The following PVT1 variants were observed in gnomAD, a reference collection of about 807,000 sequenced individuals.
The protein encoded by PVT1 is Pvt1 oncogene.
chr8:128,061,107 G>T (rs183962781), intron 4 of PVT1, among the ~76,000 whole-genome samples: 1 of 152,060 alleles, frequency 6.6e-6, no homozygotes, highest in Non-Finnish European at 1.5e-5. Context: ...ACGGGGTTTC[G>T]CCATGTTGGC....
At chr8:127,890,607 AAGG>A (rs1223547392) in exon 3 of PVT1, 1 of 152,222 alleles carries the variant, frequency 6.6e-6, no homozygotes, top group African/African-American at 2.4e-5. Flanking sequence ...TTTTGGCCAG[AAGG>A]AGATTAAAAA....
At chr8:127,885,840 T>C (rs1586421752) in intron 2 of PVT1, among the ~76,000 whole-genome samples, 1 of 152,222 alleles carries the variant, frequency 6.6e-6, no homozygotes, top group African/African-American at 2.4e-5. Context: ...TTAATTACTG[T>C]ACTTCCTTCT....
Position 127,858,449 on chromosome 8 carries a change from A to AATAAATAG in PVT1, n.373-32139_373-32138insTAAATAGA, listed in dbSNP as rs1342313873. ...AAATAAATAAATAAATAAATAAATA[A>AATAAATAG]AAGATGGTCTTGAGGTTTCGGTTTG... is the stretch of plus-strand genomic sequence containing the variant. On this transcript the variant is annotated intron_variant and non_coding_transcript_variant, in intron 2 of 10. Coordinates refer to ENST00000651587, the Ensembl canonical transcript of PVT1. Among the ~76,000 whole-genome samples the AATAAATAG allele has an allele frequency of 3.8e-3, 572 of 151,792 alleles. 1 individual carries two copies. Among genetic ancestry groups the AATAAATAG allele is most frequent in the African/African-American group, 0.013 (554 of 41,452 alleles).
At chr8:128,065,418 G>C (rs1490500023) in intron 4 of PVT1, among the ~76,000 whole-genome samples, 4 of 152,106 alleles carry the variant, frequency 2.6e-5, no homozygotes, top group African/African-American at 9.7e-5. Flanking sequence ...ACTCCTGACT[G>C]CAAGTGATCC....
intron 3 of PVT1, among the ~76,000 whole-genome samples, chr8:127,952,022 G>A (rs1816511341): frequency 6.6e-6 from 1 of 151,988 alleles, no homozygotes; most frequent in African/African-American, 2.4e-5. Context: ...TACCACATTG[G>A]CCAGGCTGCT....
chr8:127,827,437 C>A (rs946498865), intron 2 of PVT1, among the ~76,000 whole-genome samples: 2 of 152,170 alleles, frequency 1.3e-5, no homozygotes, highest in Non-Finnish European at 2.9e-5. Context: ...CTGGTTCACC[C>A]CCTGGGGCTC....
chr8:127,826,990 T>C (rs1563615525), intron 2 of PVT1, among the ~76,000 whole-genome samples: 1 of 104,078 alleles, frequency 9.6e-6, no homozygotes, highest in Non-Finnish European at 1.8e-5. Flanking sequence ...TTCTTTCTTT[T>C]TCTCTTTTTT....
chr8:128,034,094 C>T lies in PVT1; in HGVS notation n.913-36066C>T, dbSNP rs144566504. Among the ~76,000 whole-genome samples the T allele has an allele frequency of 7.3e-3, 1,105 of 151,500 alleles. 11 individuals are homozygous for T. The highest frequency in any genetic ancestry group is 0.026 in the African/African-American group (1,069 of 41,210). On this transcript the variant is annotated intron_variant and non_coding_transcript_variant, in intron 4 of 10. Transcript: ENST00000651587. The stretch of plus-strand genomic sequence containing the variant: ...TTTTTTTTTGGCCCTGACCTTTGGC[C>T]TAATAAAAGCAAAGTGCAGAGCTTT...
intron 5 of PVT1, among the ~76,000 whole-genome samples, chr8:128,071,708 A>AAATAAATAAATAAAT (rs1813996330): frequency 6.6e-6 from 1 of 150,974 alleles, no homozygotes; most frequent in African/African-American, 2.4e-5. Flanking sequence ...ATAAATAAAT[A>AAATAAATAAATAAAT]AATAAATAAA....
chr8:127,891,951 C>A (rs926013142), intron 3 of PVT1, among the ~76,000 whole-genome samples: 5 of 152,208 alleles, frequency 3.3e-5, no homozygotes, highest in African/African-American at 1.2e-4. Context: ...CCTCTCAGGT[C>A]CAGGCCTGGT....
intron 2 of PVT1, among the ~76,000 whole-genome samples, chr8:127,841,250 T>C (rs530469840): frequency 6.6e-6 from 1 of 152,272 alleles, no homozygotes; most frequent in South Asian, 2.1e-4. Flanking sequence ...GGGAGGTAGG[T>C]ACTATTAGCC....
intron 2 of PVT1, among the ~76,000 whole-genome samples, chr8:127,848,789 T>C (rs1815067594): frequency 6.6e-6 from 1 of 152,188 alleles, no homozygotes; most frequent in Non-Finnish European, 1.5e-5. Flanking sequence ...AATAAAGGGC[T>C]GTGGGAACAG....
At chr8:128,092,836 C>G (rs1191749846) in intron 5 of PVT1, among the ~76,000 whole-genome samples, 2 of 152,070 alleles carry the variant, frequency 1.3e-5, no homozygotes, top group African/African-American at 2.4e-5. Flanking sequence ...ATTTTTGCAC[C>G]AACCTAAATA....
intron 5 of PVT1, among the ~76,000 whole-genome samples, chr8:128,073,122 C>T (rs547132784): frequency 1.3e-4 from 20 of 152,126 alleles, no homozygotes; most frequent in Non-Finnish European, 2.5e-4. Flanking sequence ...CGTGAACCAC[C>T]GCACCCGGCC....
At chr8:127,864,053 C>A (rs933196914) in intron 2 of PVT1, among the ~76,000 whole-genome samples, 4 of 152,228 alleles carry the variant, frequency 2.6e-5, no homozygotes, top group Admixed American at 1.3e-4. Context: ...GCATGGCTTT[C>A]CTGGGCCTGC....
At chr8:127,827,459 G>A (rs1004797417) in intron 2 of PVT1, among the ~76,000 whole-genome samples, 1 of 152,130 alleles carries the variant, frequency 6.6e-6, no homozygotes, top group African/African-American at 2.4e-5. Flanking sequence ...CTGTATAGGG[G>A]AGCCATCAGC....
intron 2 of PVT1, among the ~76,000 whole-genome samples, chr8:127,818,598 A>T (rs761621006): frequency 2.6e-5 from 4 of 152,216 alleles, no homozygotes; most frequent in Non-Finnish European, 5.9e-5. Flanking sequence ...GCCACAAAAA[A>T]TTGCTGACAT....
At chr8:128,023,274 G>A (rs1346730475) in intron 4 of PVT1, among the ~76,000 whole-genome samples, 1 of 152,124 alleles carries the variant, frequency 6.6e-6, no homozygotes, top group African/African-American at 2.4e-5. Context: ...AAGAAAGAAT[G>A]ACACATAGAA....
At chr8:127,893,548 G>C (rs1815638041) in intron 3 of PVT1, among the ~76,000 whole-genome samples, 2 of 152,168 alleles carry the variant, frequency 1.3e-5, no homozygotes, top group South Asian at 4.1e-4. Context: ...TGCCCGGTCT[G>C]TTTTACTGTT....
Sources: allele counts gnomAD v4.1 joint callset (sites outside exome capture counted in the v4.1 genomes callset), GRCh38; gene constraint gnomAD v4.1.1; transcripts MANE v1.5; gene names NCBI Gene and HGNC (gene_info 2026-07-23, HGNC 2026-07-21).